Variants in KCNIP4 observed in about 807,000 individuals in gnomAD.
KCNIP4 encodes the protein Kv channel-interacting protein 4.
Under a neutral mutation model 34.0 loss-of-function variants are expected in KCNIP4, and 12 were observed. The observed-to-expected ratio is 0.35, with a 90% CI of 0.23 to 0.57. The LOEUF (loss-of-function observed/expected upper bound fraction) is 0.57, where lower values mean the gene tolerates loss of function less well. Ranked by LOEUF, KCNIP4 falls within the 20% of genes least tolerant of loss-of-function variation. The probability of loss-of-function intolerance (pLI) is 0.83; values close to 1 mark genes in which losing one functional copy is unlikely to be tolerated. For synonymous variants in KCNIP4, 124 were observed against 102.2 expected (o/e 1.21, Z -1.29); for missense variants, 238 against 311.7 (o/e 0.76, Z 1.78).
intron 1 of KCNIP4, among the ~76,000 whole-genome samples, chr4:21,700,715 A>G (rs1435628634): frequency 2.0e-5 from 3 of 152,096 alleles, no homozygotes; most frequent in African/African-American, 7.2e-5. Flanking sequence ...TTTCAGTAGT[A>G]TCACAGTTCC....
At chr4:20,763,232 C>T (rs920818878) in intron 3 of KCNIP4, among the ~76,000 whole-genome samples, 3 of 152,186 alleles carry the variant, frequency 2.0e-5, no homozygotes, top group Non-Finnish European at 4.4e-5. Context: ...GCCATTTTGT[C>T]TCTCAAAAAG....
At chr4:20,751,081 A>T (rs1388087320) in intron 4 of KCNIP4, among the ~76,000 whole-genome samples, 1 of 152,186 alleles carries the variant, frequency 6.6e-6, no homozygotes, top group Non-Finnish European at 1.5e-5. Context: ...AGTAATTAAC[A>T]CTACTGAAGG....
chr4:20,824,131 C>T (rs1265122577), intron 3 of KCNIP4, among the ~76,000 whole-genome samples: 12 of 152,184 alleles, frequency 7.9e-5, no homozygotes, highest in Admixed American at 6.5e-5. Context: ...TGAATATTAC[C>T]GTACAGTTAT....
chr4:21,108,009 C>G (rs945789719), intron 1 of KCNIP4, among the ~76,000 whole-genome samples: 1 of 151,224 alleles, frequency 6.6e-6, no homozygotes, highest in African/African-American at 2.5e-5. Flanking sequence ...GTAACCCGAC[C>G]CTTTCTCTCT....
chr4:21,781,183 T>C (rs1354752614), intron 1 of KCNIP4, among the ~76,000 whole-genome samples: 4 of 152,126 alleles, frequency 2.6e-5, no homozygotes, highest in Admixed American at 2.0e-4. Context: ...CTCATGATAG[T>C]GAGCAAGTTT....
intron 1 of KCNIP4, among the ~76,000 whole-genome samples, chr4:21,486,333 G>A (rs10031201): frequency 2.0e-5 from 3 of 152,146 alleles, no homozygotes; most frequent in Non-Finnish European, 2.9e-5. Context: ...ATTGGGACAC[G>A]GATTTAGTAA....
chr4:20,984,150 TC>T lies in KCNIP4; in HGVS notation c.62-101442del, dbSNP rs113031010. ...ATCCTGGCATTTGGCTGGCGGGGCT[TC>T]CCCCCTGCTACCACAGCGCACGGAC... On this transcript the variant is annotated intron_variant, in intron 1 of 8. Coordinates refer to ENST00000382152, the MANE Select transcript of KCNIP4 (RefSeq NM_025221.6). The T allele has an allele frequency of 5.8e-4, 339 of 587,388 alleles. 2 individuals are homozygous for T. The African/African-American group carries it at 6.2e-3, about 11-fold the overall frequency. The allele number at this position is 587,388 out of a possible 1,614,324, so 36.4% of individuals were successfully genotyped here.
chr4:21,354,174 G>A (rs1423889132), intron 1 of KCNIP4, among the ~76,000 whole-genome samples: 1 of 152,120 alleles, frequency 6.6e-6, no homozygotes, highest in Admixed American at 6.6e-5. Context: ...GGAACAACTG[G>A]TACCAGCCAC....
At chr4:21,085,555 A>G (rs1175427744) in intron 1 of KCNIP4, among the ~76,000 whole-genome samples, 1 of 152,150 alleles carries the variant, frequency 6.6e-6, no homozygotes, top group African/African-American at 2.4e-5. Context: ...GCTGATGTCA[A>G]ATGGGAACAC....
intron 2 of KCNIP4, among the ~76,000 whole-genome samples, chr4:20,853,621 A>AAGCAAG (rs1288815913): frequency 6.6e-6 from 1 of 152,032 alleles, no homozygotes; most frequent in African/African-American, 2.4e-5. Context: ...GCAAAAGCAA[A>AAGCAAG]AGCAATAAAA....
At chr4:20,952,541 T>TAA (rs1480764214) in intron 1 of KCNIP4, among the ~76,000 whole-genome samples, 6 of 152,180 alleles carry the variant, frequency 3.9e-5, no homozygotes. Context: ...TTCAAAGTCA[T>TAA]AAGAAACCAT....
intron 1 of KCNIP4, among the ~76,000 whole-genome samples, chr4:21,632,471 C>T (rs1194916550): frequency 1.3e-5 from 2 of 152,192 alleles, no homozygotes; most frequent in Non-Finnish European, 2.9e-5. Flanking sequence ...GTGATCCACC[C>T]GGCTTGGCCT....
At chr4:21,018,224 A>G (rs893609529) in intron 1 of KCNIP4, among the ~76,000 whole-genome samples, 1 of 152,086 alleles carries the variant, frequency 6.6e-6, no homozygotes, top group African/African-American at 2.4e-5. Context: ...TCATCGTTTT[A>G]TGTTTCTTAG....
chr4:21,255,008 G>C (rs10006105), intron 1 of KCNIP4, among the ~76,000 whole-genome samples: 42,274 of 151,988 alleles, frequency 0.28, 10,325 homozygotes, highest in African/African-American at 0.66. Context: ...AATTTCCAGG[G>C]CTATTTGACT....
intron 3 of KCNIP4, among the ~76,000 whole-genome samples, chr4:20,833,217 A>G (rs1367303626): frequency 6.6e-6 from 1 of 152,230 alleles, no homozygotes; most frequent in Non-Finnish European, 1.5e-5. Context: ...TTGTTAACAT[A>G]TTAATAATAT....
intron 1 of KCNIP4, among the ~76,000 whole-genome samples, chr4:21,148,654 A>G (rs575846446): frequency 1.3e-5 from 2 of 152,156 alleles, no homozygotes; most frequent in South Asian, 4.1e-4. Flanking sequence ...TTAAAAAAGA[A>G]CTGGACCAAA....
intron 1 of KCNIP4, among the ~76,000 whole-genome samples, chr4:21,203,299 G>A (rs1393312759): frequency 6.6e-6 from 1 of 152,182 alleles, no homozygotes; most frequent in East Asian, 1.9e-4. Flanking sequence ...CAAAGTCACA[G>A]TGCCCATGGA....
At chr4:21,944,529 C>G (rs944438741) in intron 1 of KCNIP4, among the ~76,000 whole-genome samples, 1 of 145,024 alleles carries the variant, frequency 6.9e-6, no homozygotes, top group East Asian at 2.1e-4. Flanking sequence ...TGCACTCCAC[C>G]CTGGGCAACA....
At chr4:21,293,728 CAT>C (rs1763677475) in intron 1 of KCNIP4, among the ~76,000 whole-genome samples, 1 of 152,124 alleles carries the variant, frequency 6.6e-6, no homozygotes, top group Non-Finnish European at 1.5e-5. Context: ...ATCTGAAACA[CAT>C]ATGATTTGGG....
Sources: allele counts gnomAD v4.1 joint callset (sites outside exome capture counted in the v4.1 genomes callset), GRCh38; gene constraint gnomAD v4.1.1; transcripts MANE v1.5; gene names NCBI Gene and HGNC (gene_info 2026-07-23, HGNC 2026-07-21).